GABBR2: variants seen among roughly 807,000 people sequenced by gnomAD.
GABBR2 encodes gamma-aminobutyric acid type B receptor subunit 2, also known as G-protein coupled receptor 51.
Under a neutral mutation model 105.6 loss-of-function variants are expected in GABBR2, and 23 were observed. That is an observed-to-expected ratio of 0.22 (90% confidence interval 0.16 to 0.31). The LOEUF (loss-of-function observed/expected upper bound fraction) is 0.31. Among genes scored for constraint, GABBR2 ranks in the 10% least tolerant of loss-of-function variants. GABBR2 has a pLI of 1.00. For synonymous variants in GABBR2, 478 were observed against 499.7 expected (o/e 0.96, Z 0.58); for missense variants, 734 against 1,245.5 (o/e 0.59, Z 6.18).
chr9:98,338,807 A>G (rs1187112384), intron 13 of GABBR2, among the ~76,000 whole-genome samples: 1 of 152,240 alleles, frequency 6.6e-6, no homozygotes, highest in Non-Finnish European at 1.5e-5. Context: ...CTAAAAGCAT[A>G]TGTTCACACA....
chr9:98,468,747 G>A (rs1826608199), intron 6 of GABBR2, among the ~76,000 whole-genome samples: 1 of 152,166 alleles, frequency 6.6e-6, no homozygotes, highest in African/African-American at 2.4e-5. Flanking sequence ...GACTTGCTGA[G>A]GTTGCAGATT....
At chr9:98,333,848 T>C (rs1223400992) in intron 13 of GABBR2, among the ~76,000 whole-genome samples, 2 of 152,180 alleles carry the variant, frequency 1.3e-5, no homozygotes, top group Non-Finnish European at 2.9e-5. Flanking sequence ...AAGGGCTACA[T>C]GTTGTATATT....
intron 4 of GABBR2, among the ~76,000 whole-genome samples, chr9:98,485,232 C>G (rs1027836297): frequency 6.6e-6 from 1 of 152,098 alleles, no homozygotes; most frequent in African/African-American, 2.4e-5. Flanking sequence ...TTCACACCCT[C>G]AAGAGGCTAC....
Position 98,708,778 on chromosome 9 carries a change from A to G in GABBR2, c.-41T>C. ...GCGGGCGCCGGCTCACTCGGCCCGC[A>G]TGGCCTGGCCCGGCCCGCCGCCCCG... On this transcript the variant is annotated 5_prime_UTR_variant, in exon 1 of 19. The change abolishes an upstream ATG in the 5' untranslated region. Transcript: ENST00000259455. 1.0e-5 allele frequency: 10 copies of G among 975,236 alleles called. No individual in the cohort carries two copies. Among genetic ancestry groups the G allele is most frequent in the Non-Finnish European group, 1.2e-5 (10 of 823,490 alleles). The allele number at this position is 975,236 out of a possible 1,614,324, so 60.4% of individuals were successfully genotyped here.
chr9:98,415,987 A>T (rs1195611037), intron 7 of GABBR2, among the ~76,000 whole-genome samples: 1 of 152,184 alleles, frequency 6.6e-6, no homozygotes, highest in African/African-American at 2.4e-5. Flanking sequence ...GAGTAGGCAG[A>T]GGAGGAGGAA....
At chr9:98,380,980 C>T (rs1005996880) in intron 11 of GABBR2, among the ~76,000 whole-genome samples, 10 of 152,218 alleles carry the variant, frequency 6.6e-5, no homozygotes, top group Admixed American at 3.3e-4. Context: ...ACTGTGACTT[C>T]GGCTGCGCCA....
At chr9:98,419,541 C>T (rs1832746140) in intron 7 of GABBR2, among the ~76,000 whole-genome samples, 1 of 152,150 alleles carries the variant, frequency 6.6e-6, no homozygotes, top group Non-Finnish European at 1.5e-5. Flanking sequence ...GGAAGAACCT[C>T]TCAAACAAAA....
intron 13 of GABBR2, among the ~76,000 whole-genome samples, chr9:98,319,038 C>G (rs1588098503): frequency 6.6e-6 from 1 of 151,964 alleles, no homozygotes; most frequent in Non-Finnish European, 1.5e-5. Flanking sequence ...AACATGGCCT[C>G]TTTTGGGGTG....
intron 2 of GABBR2, among the ~76,000 whole-genome samples, chr9:98,565,284 ATG>A (rs1477890847): frequency 6.6e-6 from 1 of 152,172 alleles, no homozygotes; most frequent in East Asian, 1.9e-4. Flanking sequence ...GTGGAGTTAC[ATG>A]TGTGAGCGGC....
intron 7 of GABBR2, among the ~76,000 whole-genome samples, chr9:98,415,844 T>C (rs912654663): frequency 6.6e-6 from 1 of 152,176 alleles, no homozygotes; most frequent in East Asian, 1.9e-4. Context: ...TTTAAGCTCA[T>C]GCTTCTAACA....
Position 98,427,917 on chromosome 9 carries a change from T to C in GABBR2, c.1237-21776A>G, listed in dbSNP as rs74430296. 4.9e-3 allele frequency among the ~76,000 whole-genome samples: 740 copies of C among 152,276 alleles called. 9 individuals are homozygous for C. The highest frequency in any genetic ancestry group is 0.017 in the African/African-American group (689 of 41,558). ...TTGAAAGCAAACCTCCCAGCACTAGTGAGCCTTAGAATGACTGCAGTCCCC... is the reference window on the plus strand; with the variant it reads ...TTGAAAGCAAACCTCCCAGCACTAGCGAGCCTTAGAATGACTGCAGTCCCC... On this transcript the variant is annotated intron_variant, in intron 7 of 18. Coordinates refer to ENST00000259455, the MANE Select transcript of GABBR2 (RefSeq NM_005458.8).
intron 7 of GABBR2, among the ~76,000 whole-genome samples, chr9:98,413,462 C>A (rs1220065695): frequency 6.7e-6 from 1 of 150,050 alleles, no homozygotes; most frequent in Admixed American, 6.6e-5. Context: ...TTTTTTTTTT[C>A]TTTATGTCCC....
intron 16 of GABBR2, among the ~76,000 whole-genome samples, chr9:98,299,850 G>A (rs1436767372): frequency 6.6e-6 from 1 of 151,928 alleles, no homozygotes; most frequent in African/African-American, 2.4e-5. Context: ...ACATAATAAG[G>A]GCAACTTGCT....
chr9:98,341,805 T>A (rs1831218515), intron 13 of GABBR2, among the ~76,000 whole-genome samples: 1 of 152,100 alleles, frequency 6.6e-6, no homozygotes, highest in South Asian at 2.1e-4. Context: ...GCCCCAGAAG[T>A]GGGCTCTTGA....
At chr9:98,624,581 C>T (rs75807059) in intron 1 of GABBR2, among the ~76,000 whole-genome samples, 1 of 151,974 alleles carries the variant, frequency 6.6e-6, no homozygotes, top group Admixed American at 6.5e-5. Flanking sequence ...GGAAGAGAGT[C>T]TCTCGGGAAG....
intron 11 of GABBR2, among the ~76,000 whole-genome samples, chr9:98,379,381 G>A (rs1042621937): frequency 1.7e-4 from 26 of 152,168 alleles, no homozygotes; most frequent in African/African-American, 4.8e-4. Flanking sequence ...TGATTCTCCT[G>A]CCTCAGCCTC....
intron 11 of GABBR2, among the ~76,000 whole-genome samples, chr9:98,378,698 C>A (rs1831920408): frequency 6.6e-6 from 1 of 152,100 alleles, no homozygotes; most frequent in South Asian, 2.1e-4. Context: ...ACTGTCTGTG[C>A]ATGCAGGAGC....
intron 2 of GABBR2, among the ~76,000 whole-genome samples, chr9:98,559,695 A>T (rs1244229420): frequency 1.3e-5 from 2 of 152,202 alleles, no homozygotes; most frequent in Non-Finnish European, 2.9e-5. Flanking sequence ...CACTTCTAGG[A>T]ATTCATACCC....
intron 2 of GABBR2, among the ~76,000 whole-genome samples, chr9:98,577,228 A>ATGGTTAGGCGAAT (rs769775744): frequency 1.3e-4 from 19 of 151,168 alleles, no homozygotes; most frequent in African/African-American, 2.2e-4. Context: ...GGATGGATGG[A>ATGGTTAGGCGAAT]GCAAAAAAGT....
Sources: gnomAD v4.1 joint callset for allele counts (sites outside exome capture counted in the v4.1 genomes callset) on GRCh38, gnomAD v4.1.1 for gene constraint, MANE v1.5 for transcripts, NCBI Gene and HGNC (gene_info 2026-07-23, HGNC 2026-07-21) for gene names.